Variants in DEF6 observed in about 807,000 individuals in gnomAD.
The protein encoded by DEF6 is DEF6 guanine nucleotide exchange factor.
DEF6 carries 32 observed loss-of-function variants against 80.5 expected under a neutral mutation model. That is an observed-to-expected ratio of 0.40 (90% CI 0.30 to 0.53). DEF6 has a LOEUF of 0.53. Ranked by LOEUF, DEF6 falls within the 20% of genes least tolerant of loss-of-function variation. The pLI, the probability that DEF6 is intolerant of heterozygous loss-of-function variation, is 0.57. For synonymous variants in DEF6, 300 were observed against 337.9 expected (o/e 0.89, Z 1.23); for missense variants, 575 against 818.7 (o/e 0.70, Z 3.63).
At chr6:35,298,154 G>A (rs1791264458) in intron 1 of DEF6, among the ~76,000 whole-genome samples, 2 of 152,202 alleles carry the variant, frequency 1.3e-5, no homozygotes, top group African/African-American at 4.8e-5. Context: ...GAGACCTAGT[G>A]AAGTGTGTGC....
intron 1 of DEF6, among the ~76,000 whole-genome samples, chr6:35,304,245 A>G (rs1791363598): frequency 6.6e-6 from 1 of 152,188 alleles, no homozygotes; most frequent in Admixed American, 6.5e-5. Flanking sequence ...CACCTGAGCC[A>G]GGGCGGTCGA....
chr6:35,321,203 C>G lies in DEF6; in HGVS notation c.1689C>G (p.Thr563=), dbSNP rs904900697. ...CTCTGCCAGATAAGCGTCCGGTCAC[C>G]AGCAGCTCCTTCTCAGGCTTCCAGC... ...PIEPGDKRPV[T]SSSFSGFQPP... is the part of the protein sequence containing the mutation. Residue 563 remains threonine (T), a synonymous_variant, in exon 11 of 11, where the codon ACC becomes ACG. Transcript: ENST00000316637. 2 of 1,612,522 alleles carry G rather than the reference C, an allele frequency of 1.2e-6. No homozygotes were observed. The highest frequency in any genetic ancestry group is 2.7e-5 in the African/African-American group (2 of 74,872).
intron 3 of DEF6, among the ~76,000 whole-genome samples, chr6:35,311,185 T>C (rs1791460982): frequency 6.6e-6 from 1 of 152,110 alleles, no homozygotes; most frequent in African/African-American, 2.4e-5. Flanking sequence ...CCTATCTCCT[T>C]ACTCCTGGGT....
intron 1 of DEF6, among the ~76,000 whole-genome samples, chr6:35,299,063 T>C (rs963741114): frequency 6.6e-6 from 1 of 152,168 alleles, no homozygotes; most frequent in African/African-American, 2.4e-5. Flanking sequence ...TGAACTTGGA[T>C]GTGAGGAACT....
In DEF6 at chr6:35,321,242, C is replaced by G. The variant is rs1483811990; in HGVS notation, c.1728C>G (p.Ala576=). 1 of 1,613,442 alleles carries G rather than the reference C, an allele frequency of 6.2e-7. No homozygotes were observed. The highest frequency in any genetic ancestry group is 1.7e-5 in the Admixed American group (1 of 59,996). Residue 576 remains alanine (A), a synonymous_variant, in exon 11 of 11, where the codon GCC becomes GCG. Coordinates refer to ENST00000316637, the MANE Select transcript of DEF6 (RefSeq NM_022047.4). ...CAGGCTTCCAGCCCCCTCTGCTTGCCCACCGTGACTCCTCCCTAAAGCGCC... is the reference window on the plus strand; with the variant it reads ...CAGGCTTCCAGCCCCCTCTGCTTGCGCACCGTGACTCCTCCCTAAAGCGCC... The part of the protein sequence containing the change: ...SFSGFQPPLL[A]HRDSSLKRLT...
chr6:35,321,031 G>T, intron 10 of DEF6, 57 bp downstream of exon 10: 1 of 1,596,340 alleles, frequency 6.3e-7, no homozygotes, highest in South Asian at 1.1e-5. Context: ...AAAGGAGGGA[G>T]AAAGGTCTCC....
chr6:35,320,464 G>A (rs888531515), intron 9 of DEF6, among the ~76,000 whole-genome samples: 5 of 152,130 alleles, frequency 3.3e-5, no homozygotes, highest in East Asian at 3.9e-4. Context: ...TAATGGCTCC[G>A]TGAAATGTTG....
At chr6:35,311,735 C>T (rs906396553) in intron 3 of DEF6, among the ~76,000 whole-genome samples, 4 of 152,200 alleles carry the variant, frequency 2.6e-5, no homozygotes, top group Non-Finnish European at 4.4e-5. Context: ...CCTGTCCCTG[C>T]CCAGCTTACC....
chr6:35,312,406 C>G lies in DEF6; in HGVS notation c.528C>G (p.Thr176=), dbSNP rs35395160. 6.2e-7 allele frequency: 1 copy of G among 1,614,108 alleles called. No homozygotes were observed. Among genetic ancestry groups the G allele is most frequent in the Non-Finnish European group, 8.5e-7 (1 of 1,180,028 alleles). ...AGGAGGCCCAGGTGGCCCAGACCAC[C>G]GGGGGGCTCAGCGTCTGGCAGTTCC... ...LAQEAQVAQT[T]GGLSVWQFLE... is the part of the protein sequence containing the mutation. The change falls in exon 4 of 11, where the codon ACC becomes ACG. Residue 176 remains threonine (T), a synonymous_variant. Coordinates refer to ENST00000316637, the MANE Select transcript of DEF6 (RefSeq NM_022047.4). This position sits in a 1 kb window ranked among gnomAD's most constrained non-coding sequence, Gnocchi z 6.6.
At chr6:35,302,740 C>T (rs1791331626) in intron 1 of DEF6, among the ~76,000 whole-genome samples, 1 of 152,156 alleles carries the variant, frequency 6.6e-6, no homozygotes, top group Non-Finnish European at 1.5e-5. Flanking sequence ...CTGGACCCCA[C>T]CCCTGGAAAC....
At position 35,319,517 on chromosome 6, in the gene DEF6, T is replaced by A; in HGVS notation, c.1216-7T>A. 7.7e-7 allele frequency: 1 copy of A among 1,291,218 alleles called. No homozygotes were observed. The highest frequency in any genetic ancestry group is 1.0e-6 in the Non-Finnish European group (1 of 998,236). The allele number at this position is 1,291,218 out of a possible 1,614,324, so 80.0% of individuals were successfully genotyped here. ...GGCTCTTGGTCCACCACCTCCCCCC[T>A]CCACAGGCCCGGGCCTCCATGCAGG... On this transcript the variant is annotated splice_region_variant and splice_polypyrimidine_tract_variant and intron_variant, in intron 7 of 10. Transcript: ENST00000316637. The surrounding 1 kb of genome is among the most constrained non-coding windows in gnomAD (Gnocchi z 4.5).
At chr6:35,309,995 C>A (rs2150386822) in intron 2 of DEF6, among the ~76,000 whole-genome samples, 185 bp downstream of exon 2, 1 of 148,700 alleles carries the variant, frequency 6.7e-6, no homozygotes, top group Non-Finnish European at 1.5e-5. Context: ...TTCCTGTCCC[C>A]CTCAATTCAC....
At chr6:35,300,484 G>A (rs1227529672) in intron 1 of DEF6, among the ~76,000 whole-genome samples, 10 of 152,204 alleles carry the variant, frequency 6.6e-5, no homozygotes, top group African/African-American at 2.4e-4. Context: ...GCAAACCCAC[G>A]ATGAGGCCAG....
intron 1 of DEF6, among the ~76,000 whole-genome samples, chr6:35,302,479 G>C (rs1791327327): frequency 6.6e-6 from 1 of 152,146 alleles, no homozygotes; most frequent in African/African-American, 2.4e-5. Flanking sequence ...CTTGCTGACT[G>C]TTGCCAACAT....
chr6:35,317,478 G>GA (rs1355494872), intron 5 of DEF6: 5 of 157,920 alleles, frequency 3.2e-5, no homozygotes, highest in African/African-American at 1.2e-4. Flanking sequence ...CCAACCCCTG[G>GA]AGCAGTGAGT....
rs569964488 is a variant in DEF6 at position 35,302,527 on chromosome 6, A to G, written c.96+4575A>G. Among the ~76,000 whole-genome samples, 62 of 152,198 alleles carry G rather than the reference A, an allele frequency of 4.1e-4. 1 individual carries two copies. Among genetic ancestry groups the G allele is most frequent in the Non-Finnish European group, 5.4e-4 (37 of 67,982 alleles). On this transcript the variant is annotated intron_variant, in intron 1 of 10. Transcript: ENST00000316637. Reference sequence around the variant, plus strand: ...CACACTTGAGTTTTTAGGATCCCCAATCCCCACACTTGAGTTTTAGAGGAT... The same window carrying G: ...CACACTTGAGTTTTTAGGATCCCCAGTCCCCACACTTGAGTTTTAGAGGAT...
intron 3 of DEF6, among the ~76,000 whole-genome samples, chr6:35,311,925 C>G (rs910180087): frequency 3.3e-5 from 5 of 152,186 alleles, no homozygotes; most frequent in African/African-American, 1.2e-4. Context: ...GTCACTTCCC[C>G]CTTTGGGCTT....
rs1389724690 is a variant in DEF6 at position 35,317,937 on chromosome 6, C to G, written c.854C>G (p.Thr285Arg). The change falls in exon 6 of 11, where the codon ACA becomes AGA. Residue 285 changes from threonine (T) to arginine (R), a missense_variant. By Grantham distance (71) the Thr-to-Arg change is moderately conservative. Transcript: ENST00000316637. ...DGKRCMFCVK[T>R]ANRTYEMSAS... The stretch of plus-strand genomic sequence containing the variant: ...AAGCGCTGCATGTTCTGTGTGAAGA[C>G]AGCCAACCGCACGTATGAGATGAGC... 1 of 1,613,928 alleles carries G rather than the reference C, an allele frequency of 6.2e-7. No homozygotes were observed. Among genetic ancestry groups the G allele is most frequent in the Non-Finnish European group, 8.5e-7 (1 of 1,180,004 alleles).
intron 3 of DEF6, 84 bp downstream of exon 3, chr6:35,310,728 TGC>T: frequency 2.9e-6 from 4 of 1,397,100 alleles, no homozygotes; most frequent in Non-Finnish European, 4.0e-6. Context: ...CCACCTTTGG[TGC>T]CTTCCCATAT....
Sources: gnomAD v4.1 joint callset for allele counts (sites outside exome capture counted in the v4.1 genomes callset) on GRCh38, gnomAD v4.1.1 for gene constraint, Gnocchi (gnomAD v3.1) non-coding constraint, MANE v1.5 for transcripts, NCBI Gene and HGNC (gene_info 2026-07-23, HGNC 2026-07-21) for gene names.